The following TLL1 variants were observed in gnomAD, a reference collection of about 807,000 sequenced individuals.
The protein encoded by TLL1 is tolloid-like protein 1.
TLL1 carries 49 observed loss-of-function variants against 128.2 expected under a neutral mutation model. The ratio of observed to expected loss-of-function variants is 0.38; its 90% CI spans 0.30 to 0.48. The LOEUF (loss-of-function observed/expected upper bound fraction) is 0.48, where lower values mean the gene tolerates loss of function less well. TLL1 is among the 20% of genes least tolerant of loss of function. TLL1 has a pLI of 0.96. For missense variants in TLL1, 1,123 were observed against 1,242.0 expected (o/e 0.90, Z 1.44); for synonymous variants, 454 against 418.8 (o/e 1.08, Z -1.03).
At chr4:165,955,356 G>GA (rs1302607888) in intron 1 of TLL1, among the ~76,000 whole-genome samples, 1 of 152,018 alleles carries the variant, frequency 6.6e-6, no homozygotes, top group Non-Finnish European at 1.5e-5. Flanking sequence ...AAGCAATTTG[G>GA]AAAATGGTAT....
chr4:166,000,253 A>T (rs1414821871), intron 5 of TLL1, among the ~76,000 whole-genome samples: 1 of 152,216 alleles, frequency 6.6e-6, no homozygotes, highest in African/African-American at 2.4e-5. Context: ...CACATTAAAA[A>T]TACATATTAC....
intron 7 of TLL1, among the ~76,000 whole-genome samples, chr4:166,011,756 C>T (rs748876918): frequency 2.0e-5 from 3 of 151,408 alleles, no homozygotes; most frequent in South Asian, 2.1e-4. Flanking sequence ...TTGATTATGA[C>T]ATTAGGTGTG....
chr4:165,982,105 A>G (rs1186768532), intron 1 of TLL1, among the ~76,000 whole-genome samples: 4 of 152,046 alleles, frequency 2.6e-5, no homozygotes, highest in Non-Finnish European at 5.9e-5. Flanking sequence ...TTGATAGACA[A>G]TAAGAGAATG....
intron 8 of TLL1, among the ~76,000 whole-genome samples, 171 bp from the exon 9 acceptor site, chr4:166,025,145 G>GA (rs953497692): frequency 1.3e-5 from 2 of 152,010 alleles, no homozygotes; most frequent in African/African-American, 4.8e-5. Context: ...AAATATACTG[G>GA]AATTCCAGTA....
chr4:165,915,578 C>A (rs906351578), intron 1 of TLL1, among the ~76,000 whole-genome samples: 1 of 152,114 alleles, frequency 6.6e-6, no homozygotes, highest in Non-Finnish European at 1.5e-5. Context: ...TGTTACCAAC[C>A]AGAAAACTGA....
At position 165,876,625 on chromosome 4, in the gene TLL1, G is replaced by A. The variant is rs139574156; in HGVS notation, c.169+2552G>A. 1.2e-3 allele frequency among the ~76,000 whole-genome samples: 189 copies of A among 152,284 alleles called. 1 individual carries two copies. Among genetic ancestry groups the A allele is most frequent in the Non-Finnish European group, 2.3e-3 (159 of 68,020 alleles). On this transcript the variant is annotated intron_variant, in intron 1 of 20. Coordinates refer to ENST00000061240, the MANE Select transcript of TLL1 (RefSeq NM_012464.5). ...GTTGGTGTTCACAACAGCTCAATAT[G>A]GTAGAGTTTGTTACTCTTCCCATTT...
chr4:166,099,986 C>G (rs939317954), intron 20 of TLL1, among the ~76,000 whole-genome samples: 2 of 152,086 alleles, frequency 1.3e-5, no homozygotes, highest in Admixed American at 6.6e-5. Flanking sequence ...GGTGTGTGTA[C>G]ACAGGCAGTG....
At chr4:166,044,877 G>A (rs1315083316) in intron 12 of TLL1, among the ~76,000 whole-genome samples, 1 of 152,192 alleles carries the variant, frequency 6.6e-6, no homozygotes, top group East Asian at 1.9e-4. Context: ...GTCAGAAAAT[G>A]CATTCATTCC....
In TLL1 at chr4:165,892,842, C is replaced by T. The variant is rs368155401; in HGVS notation, c.169+18769C>T. Among the ~76,000 whole-genome samples, 16 of 152,298 alleles carry T rather than the reference C, an allele frequency of 1.1e-4. 1 individual carries two copies. The highest frequency in any genetic ancestry group is 4.6e-4 in the Admixed American group (7 of 15,286). The stretch of plus-strand genomic sequence containing the variant: ...TATATTGAAGCCTTTGTATTATGTT[C>T]ATTCTTTGTTAGCCTTTATCTGGTT... On this transcript the variant is annotated intron_variant, in intron 1 of 20. Transcript: ENST00000061240.
chr4:165,959,371 A>T (rs997512841), intron 1 of TLL1, among the ~76,000 whole-genome samples: 1 of 152,012 alleles, frequency 6.6e-6, no homozygotes, highest in Non-Finnish European at 1.5e-5. Flanking sequence ...ATTTATTTGT[A>T]TCCTCTTTTA....
chr4:165,999,723 C>T (rs1240573837), intron 5 of TLL1, among the ~76,000 whole-genome samples: 2 of 151,936 alleles, frequency 1.3e-5, no homozygotes, highest in Admixed American at 1.3e-4. Flanking sequence ...ATCCACCTGC[C>T]TCAGCCTCCC....
chr4:165,937,587 T>A (rs1733821594), intron 1 of TLL1, among the ~76,000 whole-genome samples: 1 of 152,192 alleles, frequency 6.6e-6, no homozygotes, highest in African/African-American at 2.4e-5. Context: ...GTGATTTTTT[T>A]ATTTAATGCT....
At chr4:166,020,616 T>C (rs1738177793) in intron 8 of TLL1, among the ~76,000 whole-genome samples, 1 of 152,182 alleles carries the variant, frequency 6.6e-6, no homozygotes, top group Non-Finnish European at 1.5e-5. Context: ...CTTTCCCTTC[T>C]TATTACTAAG....
At chr4:165,951,166 T>G (rs1378998589) in intron 1 of TLL1, among the ~76,000 whole-genome samples, 1 of 152,126 alleles carries the variant, frequency 6.6e-6, no homozygotes, top group Non-Finnish European at 1.5e-5. Flanking sequence ...ACAAATTATT[T>G]GAAAGATGTA....
intron 1 of TLL1, chr4:165,875,188 A>G (rs919525343): frequency 6.6e-6 from 1 of 152,262 alleles, no homozygotes; most frequent in East Asian, 1.9e-4. Context: ...AAAGTCAAAT[A>G]TATCTAGGGT....
intron 12 of TLL1, among the ~76,000 whole-genome samples, chr4:166,046,475 G>A (rs981622153): frequency 9.9e-5 from 15 of 152,138 alleles, no homozygotes; most frequent in African/African-American, 3.1e-4. Context: ...AGTACTAAAA[G>A]AGCATTAAAA....
At chr4:166,040,689 T>G (rs1739199182) in intron 10 of TLL1, among the ~76,000 whole-genome samples, 1 of 152,216 alleles carries the variant, frequency 6.6e-6, no homozygotes, top group Non-Finnish European at 1.5e-5. Flanking sequence ...CTCTATATCC[T>G]CTGAATTAGG....
rs558895534 is a variant in TLL1 at position 166,018,337 on chromosome 4, C to T, written c.1042+3777C>T. Among the ~76,000 whole-genome samples, 5 of 152,152 alleles carry T rather than the reference C, an allele frequency of 3.3e-5. No individual in the cohort carries two copies. In the East Asian group the frequency reaches 5.8e-4, roughly 18 times the overall value. On this transcript the variant is annotated intron_variant, in intron 8 of 20. Coordinates refer to ENST00000061240, the MANE Select transcript of TLL1 (RefSeq NM_012464.5). ...AATTAAAGATTTAAATGTGAGACCT[C>T]AAACTATAAGAAGCCTTAAATAAAA...
chr4:165,974,353 G>T (rs1735776358), intron 1 of TLL1, among the ~76,000 whole-genome samples: 1 of 129,440 alleles, frequency 7.7e-6, no homozygotes, highest in Non-Finnish European at 1.5e-5. Context: ...TTTTAGCCGG[G>T]ATGGCCTCGA....
Sources: gnomAD v4.1 joint callset for allele counts (sites outside exome capture counted in the v4.1 genomes callset) on GRCh38, gnomAD v4.1.1 for gene constraint, MANE v1.5 for transcripts, NCBI Gene and HGNC (gene_info 2026-07-23, HGNC 2026-07-21) for gene names.